Variants in SGMS1 observed in about 807,000 individuals in gnomAD.
SGMS1 encodes the protein phosphatidylcholine:ceramide cholinephosphotransferase 1.
In SGMS1, 13 loss-of-function variants were observed where a neutral mutation model predicts 46.2. The ratio of observed to expected loss-of-function variants is 0.28; its 90% confidence interval spans 0.18 to 0.45. The LOEUF (loss-of-function observed/expected upper bound fraction) is 0.45. SGMS1 is among the 20% of genes least tolerant of loss of function. The pLI, the probability that SGMS1 is intolerant of heterozygous loss-of-function variation, is 1.00. For missense variants in SGMS1, 324 were observed against 519.9 expected (o/e 0.62, Z 3.66); for synonymous variants, 203 against 187.8 (o/e 1.08, Z -0.66).
chr10:50,485,623 G>A (rs1837513481), intron 3 of SGMS1, among the ~76,000 whole-genome samples: 1 of 152,104 alleles, frequency 6.6e-6, no homozygotes, highest in Non-Finnish European at 1.5e-5. Flanking sequence ...AGCATTTCCG[G>A]GTGCGGTGGC....
At chr10:50,427,295 A>G (rs1275842259) in intron 6 of SGMS1, among the ~76,000 whole-genome samples, 1 of 152,122 alleles carries the variant, frequency 6.6e-6, no homozygotes, top group African/African-American at 2.4e-5. Flanking sequence ...GCTACTCCGG[A>G]GGCTGAGGCA....
chr10:50,546,086 C>T (rs994408964), intron 2 of SGMS1, among the ~76,000 whole-genome samples: 9 of 152,118 alleles, frequency 5.9e-5, no homozygotes, highest in African/African-American at 9.7e-5. Context: ...AGTTCTGCCT[C>T]GGATAGACTG....
Position 50,560,341 on chromosome 10 carries a change from A to C in SGMS1, c.-589+29812T>G, listed in dbSNP as rs1457808003. Among the ~76,000 whole-genome samples the C allele has an allele frequency of 2.2e-5, 3 of 138,008 alleles. No homozygotes were observed. In the South Asian group the frequency reaches 6.6e-4, roughly 31 times the overall value. The allele number at this position is 138,008 out of a possible 152,430, so 90.5% of individuals were successfully genotyped here. A position where few individuals can be genotyped will look rare whatever the true frequency, so the allele number is the denominator to read the frequency against. On this transcript the variant is annotated intron_variant, in intron 2 of 10. Transcript: ENST00000361781. ...ATTAATATTATATATTATTAATATT[A>C]TTAATAATATATATTATAATACATA...
chr10:50,480,832 T>C (rs971726757), intron 3 of SGMS1, among the ~76,000 whole-genome samples: 1 of 152,142 alleles, frequency 6.6e-6, no homozygotes, highest in African/African-American at 2.4e-5. Context: ...CTGCCAGTGC[T>C]AAAGAGACTG....
At chr10:50,445,973 T>C (rs1489204753) in intron 5 of SGMS1, among the ~76,000 whole-genome samples, 1 of 152,138 alleles carries the variant, frequency 6.6e-6, no homozygotes, top group Non-Finnish European at 1.5e-5. Context: ...TCTTTTACGA[T>C]TGTAGATAAG....
At chr10:50,495,988 T>TA (rs1172132377) in intron 3 of SGMS1, among the ~76,000 whole-genome samples, 1 of 152,166 alleles carries the variant, frequency 6.6e-6, no homozygotes, top group Admixed American at 6.5e-5. Flanking sequence ...TTTTTTTAAT[T>TA]AAAAAATGAA....
intron 3 of SGMS1, among the ~76,000 whole-genome samples, chr10:50,510,936 T>C (rs1430276643): frequency 6.6e-6 from 1 of 152,174 alleles, no homozygotes; most frequent in Non-Finnish European, 1.5e-5. Context: ...TCAAAGCACA[T>C]TATGTATTGA....
intron 2 of SGMS1, among the ~76,000 whole-genome samples, chr10:50,537,685 G>A (rs1370281312): frequency 6.6e-6 from 1 of 151,126 alleles, no homozygotes; most frequent in Non-Finnish European, 1.5e-5. Flanking sequence ...TGAAACCAAG[G>A]TTTCAGTGGG....
intron 3 of SGMS1, among the ~76,000 whole-genome samples, chr10:50,467,297 C>A (rs944956679): frequency 6.6e-6 from 1 of 151,984 alleles, no homozygotes; most frequent in African/African-American, 2.4e-5. Flanking sequence ...AGCAAGAAAG[C>A]GTATTTTTCA....
At chr10:50,532,907 A>G (rs1837967381) in intron 2 of SGMS1, among the ~76,000 whole-genome samples, 1 of 152,200 alleles carries the variant, frequency 6.6e-6, no homozygotes, top group African/African-American at 2.4e-5. Flanking sequence ...GCAATCCACC[A>G]AGTGCAGTTA....
intron 1 of SGMS1, among the ~76,000 whole-genome samples, chr10:50,591,739 T>C (rs1445354074): frequency 1.3e-5 from 2 of 152,204 alleles, no homozygotes; most frequent in African/African-American, 4.8e-5. Flanking sequence ...TTCATTTTTA[T>C]AAAACGCAAA....
At chr10:50,541,029 G>C (rs983071505) in intron 2 of SGMS1, among the ~76,000 whole-genome samples, 4 of 152,152 alleles carry the variant, frequency 2.6e-5, no homozygotes, top group African/African-American at 4.8e-5. Flanking sequence ...GGAAGACCAA[G>C]ATTCAGCTCT....
chr10:50,313,067 A>C (rs1564871149), intron 8 of SGMS1, among the ~76,000 whole-genome samples: 1 of 152,262 alleles, frequency 6.6e-6, no homozygotes, highest in Non-Finnish European at 1.5e-5. Context: ...TGTTGTGCAG[A>C]GAAGGAAAGT....
chr10:50,484,545 A>G (rs1837503690), intron 3 of SGMS1, among the ~76,000 whole-genome samples: 2 of 152,208 alleles, frequency 1.3e-5, no homozygotes, highest in Non-Finnish European at 2.9e-5. Flanking sequence ...AACTCATTTT[A>G]TGAGGCCAGC....
At chr10:50,340,446 G>C (rs1306154477) in intron 7 of SGMS1, 2 of 152,186 alleles carry the variant, frequency 1.3e-5, no homozygotes, top group South Asian at 2.1e-4. Context: ...TTCCTAGTCA[G>C]TGGCTTGAAA....
intron 2 of SGMS1, among the ~76,000 whole-genome samples, chr10:50,542,591 A>G (rs1367067937): frequency 6.6e-6 from 1 of 151,568 alleles, no homozygotes; most frequent in Admixed American, 6.6e-5. Flanking sequence ...AAACTACCAT[A>G]AAGAAAAGTG....
intron 2 of SGMS1, among the ~76,000 whole-genome samples, chr10:50,557,813 A>G (rs1261794294): frequency 6.6e-6 from 1 of 152,142 alleles, no homozygotes; most frequent in African/African-American, 2.4e-5. Flanking sequence ...GACTCTACCC[A>G]CTACTTCTAA....
chr10:50,598,441 A>G (rs1259201748), intron 1 of SGMS1, among the ~76,000 whole-genome samples: 1 of 152,232 alleles, frequency 6.6e-6, no homozygotes, highest in Non-Finnish European at 1.5e-5. Context: ...TACACTTCCA[A>G]AAAGTGAATT....
intron 6 of SGMS1, among the ~76,000 whole-genome samples, chr10:50,430,236 A>T (rs1849389140): frequency 6.6e-6 from 1 of 152,182 alleles, no homozygotes. Context: ...TACAAAAATG[A>T]AAAGTTGAAA....
Sources: allele counts gnomAD v4.1 joint callset (sites outside exome capture counted in the v4.1 genomes callset), GRCh38; gene constraint gnomAD v4.1.1; transcripts MANE v1.5; gene names NCBI Gene and HGNC (gene_info 2026-07-23, HGNC 2026-07-21).